OR51B5: variants seen among roughly 807,000 people sequenced by gnomAD.
The protein encoded by OR51B5 is olfactory receptor 51B5.
For synonymous variants in OR51B5, 186 were observed against 144.8 expected (o/e 1.28, Z -2.04); for missense variants, 456 against 374.6 (o/e 1.22, Z -1.79).
chr11:5,401,404 G>A (rs1448411341), intron 1 of OR51B5, among the ~76,000 whole-genome samples: 1 of 152,182 alleles, frequency 6.6e-6, no homozygotes, highest in Non-Finnish European at 1.5e-5. Flanking sequence ...CCATGCCTTT[G>A]CACATAATCT....
chr11:5,440,663 A>T, intron 1 of OR51B5: 2 of 1,613,944 alleles, frequency 1.2e-6, no homozygotes, highest in Non-Finnish European at 1.7e-6. Context: ...TGGGTGGTAC[A>T]AACAGGTAGA....
chr11:5,386,711 A>G (rs1849700897), intron 1 of OR51B5, among the ~76,000 whole-genome samples: 1 of 152,132 alleles, frequency 6.6e-6, no homozygotes, highest in South Asian at 2.1e-4. Context: ...AGGTCAGGCA[A>G]GCAGGTGTGG....
intron 1 of OR51B5, among the ~76,000 whole-genome samples, chr11:5,356,155 G>C (rs984069484): frequency 6.6e-6 from 1 of 152,152 alleles, no homozygotes; most frequent in Non-Finnish European, 1.5e-5. Context: ...AGAGAAGAAG[G>C]CTTCAGACGA....
intron 1 of OR51B5, among the ~76,000 whole-genome samples, chr11:5,472,061 A>G (rs1851237431): frequency 6.6e-6 from 1 of 152,114 alleles, no homozygotes; most frequent in Non-Finnish European, 1.5e-5. Context: ...CTATGAGAAT[A>G]TTGGCATATG....
intron 1 of OR51B5, among the ~76,000 whole-genome samples, chr11:5,401,613 G>A (rs111302040): frequency 1.8e-4 from 27 of 152,178 alleles, no homozygotes; most frequent in African/African-American, 6.5e-4. Flanking sequence ...CCATGCTATA[G>A]ACCTTGTCTT....
intron 1 of OR51B5, among the ~76,000 whole-genome samples, chr11:5,418,199 A>G (rs569606952): frequency 1.1e-4 from 17 of 152,006 alleles, no homozygotes; most frequent in East Asian, 9.7e-4. Context: ...GGTGGGAATT[A>G]AACAATGAGA....
chr11:5,347,118 G>A (rs1264204943), upstream of OR51B5, among the ~76,000 whole-genome samples: 1 of 152,110 alleles, frequency 6.6e-6, no homozygotes, highest in Non-Finnish European at 1.5e-5. Flanking sequence ...GCCACTGGTA[G>A]GACCTTTATG....
At chr11:5,472,612 T>G (rs529775887) in intron 1 of OR51B5, among the ~76,000 whole-genome samples, 5 of 152,296 alleles carry the variant, frequency 3.3e-5, no homozygotes, top group Admixed American at 2.6e-4. Flanking sequence ...AGTGAAGGAC[T>G]CCTCTGTGCT....
At chr11:5,383,071 C>G (rs1448533892) in intron 1 of OR51B5, among the ~76,000 whole-genome samples, 1 of 151,516 alleles carries the variant, frequency 6.6e-6, no homozygotes, top group Admixed American at 6.6e-5. Flanking sequence ...GTAGCATAGT[C>G]TGGGGAAGAA....
intron 1 of OR51B5, chr11:5,505,396 T>TC: frequency 1.5e-6 from 2 of 1,304,206 alleles, no homozygotes; most frequent in South Asian, 2.5e-5. Context: ...CCTCTTCATT[T>TC]CCCCTAGCAC....
At position 5,482,212 on chromosome 11, in the gene OR51B5, A is replaced by G. The variant is rs1228336199; in HGVS notation, n.84+23357T>C. On this transcript the variant is annotated intron_variant and non_coding_transcript_variant, in intron 1 of 4. Coordinates refer to the OR51B5 transcript ENST00000415970. The stretch of plus-strand genomic sequence containing the variant: ...TCAGAAATAATGCCGCATATCTACA[A>G]CTATCTGATCTTTGACAAACCTGAC... Among the ~76,000 whole-genome samples the G allele has an allele frequency of 1.0e-4, 10 of 95,604 alleles. 2 individuals are homozygous for G. In the East Asian group the frequency reaches 4.5e-3, roughly 43 times the overall value. 62.7% of individuals were successfully genotyped at this position (95,604 alleles called of 152,430 possible).
At chr11:5,417,733 C>T (rs1850264761) in intron 1 of OR51B5, among the ~76,000 whole-genome samples, 1 of 151,136 alleles carries the variant, frequency 6.6e-6, no homozygotes, top group South Asian at 2.1e-4. Context: ...GATATCATCT[C>T]ACACCAGTTA....
intron 1 of OR51B5, among the ~76,000 whole-genome samples, chr11:5,395,454 G>C (rs1849853585): frequency 6.6e-6 from 1 of 152,284 alleles, no homozygotes; most frequent in South Asian, 2.1e-4. Context: ...GCAGCTTCCA[G>C]GAAGATGGCC....
chr11:5,341,304 C>A (rs1193188004), downstream of OR51B5: 2 of 152,156 alleles, frequency 1.3e-5, no homozygotes, highest in African/African-American at 4.8e-5. Context: ...GGCCTGCTAC[C>A]TAAGGAGCAG....
At chr11:5,468,115 G>A (rs1851165210) in intron 1 of OR51B5, among the ~76,000 whole-genome samples, 1 of 152,140 alleles carries the variant, frequency 6.6e-6, no homozygotes, top group Non-Finnish European at 1.5e-5. Flanking sequence ...ATGATCTCAG[G>A]TAACATAATC....
At chr11:5,459,929 A>G in intron 1 of OR51B5, among the ~76,000 whole-genome samples, 1 of 152,216 alleles carries the variant, frequency 6.6e-6, no homozygotes, top group Non-Finnish European at 1.5e-5. Flanking sequence ...ACACATGTGT[A>G]TGTTCACTGC....
chr11:5,449,967 C>G (rs945110684), intron 1 of OR51B5, among the ~76,000 whole-genome samples: 7 of 152,172 alleles, frequency 4.6e-5, no homozygotes, highest in Non-Finnish European at 8.8e-5. Context: ...ATTCCTCCAG[C>G]CTCTACCTTC....
At chr11:5,413,628 T>G (rs1208165990) in intron 1 of OR51B5, among the ~76,000 whole-genome samples, 3 of 152,076 alleles carry the variant, frequency 2.0e-5, no homozygotes, top group African/African-American at 7.2e-5. Context: ...GAGAACGATG[T>G]GAAGAATGCA....
intron 1 of OR51B5, among the ~76,000 whole-genome samples, chr11:5,420,508 T>A (rs1305634743): frequency 6.6e-6 from 1 of 151,968 alleles, no homozygotes; most frequent in Non-Finnish European, 1.5e-5. Flanking sequence ...ATTTTTGATA[T>A]TTAAGATAGT....
Sources: allele counts gnomAD v4.1 joint callset (sites outside exome capture counted in the v4.1 genomes callset), GRCh38; gene constraint gnomAD v4.1.1; transcripts MANE v1.5; gene names NCBI Gene and HGNC (gene_info 2026-07-23, HGNC 2026-07-21).